Variants in LINGO2 observed in about 807,000 individuals in gnomAD.
LINGO2 encodes leucine rich repeat and Ig domain containing 2.
LINGO2 carries 14 observed loss-of-function variants against 30.6 expected under a neutral mutation model. The ratio of observed to expected loss-of-function variants is 0.46; its 90% confidence interval spans 0.30 to 0.72. The LOEUF (loss-of-function observed/expected upper bound fraction) is 0.72, where lower values mean the gene tolerates loss of function less well. Among genes scored for constraint, LINGO2 ranks in the 30% least tolerant of loss-of-function variants. LINGO2 has a pLI of 0.07. For synonymous variants in LINGO2, 317 were observed against 288.5 expected (o/e 1.10, Z -1.00); for missense variants, 729 against 751.7 (o/e 0.97, Z 0.35).
the LINGO2 span, among the ~76,000 whole-genome samples, chr9:28,789,029 A>G: frequency 6.8e-4 from 103 of 152,336 alleles, no homozygotes; most frequent in African/African-American, 2.5e-3. Flanking sequence ...CCAGATAATA[A>G]AATAAAAATA....
At chr9:29,168,766 C>G in the LINGO2 span, among the ~76,000 whole-genome samples, 1 of 152,150 alleles carries the variant, frequency 6.6e-6, no homozygotes, top group African/African-American at 2.4e-5. Flanking sequence ...CAGATACTTC[C>G]TTACTGATGA....
At chr9:28,458,315 T>A (rs1036275284) in intron 2 of LINGO2, among the ~76,000 whole-genome samples, 1 of 152,326 alleles carries the variant, frequency 6.6e-6, no homozygotes, top group South Asian at 2.1e-4. Context: ...CCTATATTTT[T>A]ATACGTCCCA....
chr9:28,430,932 A>G (rs1164107979), intron 2 of LINGO2, among the ~76,000 whole-genome samples: 1 of 151,660 alleles, frequency 6.6e-6, no homozygotes, highest in East Asian at 2.0e-4. Flanking sequence ...AGTTCCTTGT[A>G]GGTGATTAAA....
At chr9:28,302,742 T>A (rs1383703209) in intron 3 of LINGO2, among the ~76,000 whole-genome samples, 1 of 152,148 alleles carries the variant, frequency 6.6e-6, no homozygotes, top group Non-Finnish European at 1.5e-5. Flanking sequence ...CACAATATTC[T>A]AAAGAAGAGA....
At chr9:28,543,923 G>A (rs987431890) in intron 1 of LINGO2, among the ~76,000 whole-genome samples, 5 of 151,924 alleles carry the variant, frequency 3.3e-5, no homozygotes, top group African/African-American at 1.2e-4. Context: ...AAGTATTTTA[G>A]GCTGGACACA....
At chr9:28,436,745 C>A (rs1051818219) in intron 2 of LINGO2, among the ~76,000 whole-genome samples, 20 of 152,148 alleles carry the variant, frequency 1.3e-4, no homozygotes, top group African/African-American at 4.6e-4. Context: ...GCATAAGCCA[C>A]CGCGCCCGGC....
rs564628616 is a variant in LINGO2, at chr9:28,407,219, T to TA, written c.-278-34352dup. Among the ~76,000 whole-genome samples, 21 of 136,962 alleles carry TA rather than the reference T, an allele frequency of 1.5e-4. 1 individual carries two copies. Among genetic ancestry groups the TA allele is most frequent in the Admixed American group, 1.5e-3 (20 of 13,774 alleles). 89.9% of individuals were successfully genotyped at this position (136,962 alleles called of 152,430 possible). A position where few individuals can be genotyped will look rare whatever the true frequency, so the allele number is the denominator to read the frequency against. ...AAGAAAGAAAATAATTTAAAAACAA[T>TA]AAAAAAAGGAGGGAGGGGCAGGTTA... On this transcript the variant is annotated intron_variant, in intron 2 of 5. Transcript: ENST00000379992.
chr9:27,982,874 A>G (rs1419779512), intron 5 of LINGO2, among the ~76,000 whole-genome samples: 1 of 151,784 alleles, frequency 6.6e-6, no homozygotes, highest in Non-Finnish European at 1.5e-5. Context: ...GGAGTTAATG[A>G]GAAAAATGTA....
the LINGO2 span, among the ~76,000 whole-genome samples, chr9:28,934,374 T>C: frequency 1.1e-4 from 16 of 152,142 alleles, no homozygotes; most frequent in African/African-American, 3.4e-4. Context: ...CTAATGTGAG[T>C]GAGCTAGGAG....
chr9:29,172,521 A>G, the LINGO2 span, among the ~76,000 whole-genome samples: 1 of 152,012 alleles, frequency 6.6e-6, no homozygotes, highest in African/African-American at 2.4e-5. Flanking sequence ...TCATGAAATG[A>G]TTAGGTTTTA....
intron 4 of LINGO2, among the ~76,000 whole-genome samples, chr9:28,095,283 G>A (rs570860841): frequency 2.6e-5 from 4 of 152,018 alleles, no homozygotes; most frequent in Non-Finnish European, 5.9e-5. Flanking sequence ...GGGACAGTTC[G>A]CCGTATCCCA....
rs116870948 is a variant in LINGO2 at position 28,216,970 on chromosome 9, T to C, written c.-87+78238A>G. 1.2e-3 allele frequency among the ~76,000 whole-genome samples: 176 copies of C among 151,856 alleles called. 2 individuals carry two copies. The South Asian group carries it at 0.017, about 15-fold the overall frequency. ...CCAACATCCTTCACATTATATAAACTAAACAGAAAATGGCATAAAAAACTG... is the reference window on the plus strand; with the variant it reads ...CCAACATCCTTCACATTATATAAACCAAACAGAAAATGGCATAAAAAACTG... On this transcript the variant is annotated intron_variant, in intron 4 of 5. Transcript: ENST00000379992.
chr9:28,038,856 A>G (rs1381466559), intron 4 of LINGO2, among the ~76,000 whole-genome samples: 2 of 152,202 alleles, frequency 1.3e-5, no homozygotes, highest in African/African-American at 4.8e-5. Flanking sequence ...CCACAGCAAT[A>G]TTTTTAAAAT....
chr9:29,045,842 T>C, the LINGO2 span, among the ~76,000 whole-genome samples: 1 of 152,176 alleles, frequency 6.6e-6, no homozygotes, highest in Non-Finnish European at 1.5e-5. Context: ...TAATTCTCAC[T>C]GTAGAAATCT....
chr9:28,748,388 T>C, the LINGO2 span, among the ~76,000 whole-genome samples: 5 of 7,228 alleles, frequency 6.9e-4, no homozygotes, highest in African/African-American at 1.1e-3. Flanking sequence ...TTCTGCAAAA[T>C]AGAAATTTCT....
chr9:28,122,058 T>G (rs1217790104), intron 4 of LINGO2, among the ~76,000 whole-genome samples: 1 of 152,126 alleles, frequency 6.6e-6, no homozygotes, highest in African/African-American at 2.4e-5. Flanking sequence ...GGAGAGGACT[T>G]AATTCCTGGT....
At chr9:27,964,739 A>G (rs1345544066) in intron 5 of LINGO2, among the ~76,000 whole-genome samples, 2 of 152,014 alleles carry the variant, frequency 1.3e-5, no homozygotes, top group Non-Finnish European at 2.9e-5. Context: ...TTGTGTAGCA[A>G]TTTCTGGGGG....
At chr9:28,339,330 CA>C (rs968958389) in intron 3 of LINGO2, among the ~76,000 whole-genome samples, 3 of 151,970 alleles carry the variant, frequency 2.0e-5, no homozygotes, top group African/African-American at 7.2e-5. Flanking sequence ...TTTTAATTTC[CA>C]AAAAACTATT....
chr9:28,473,648 GACT>G (rs1364001008), intron 2 of LINGO2, among the ~76,000 whole-genome samples: 26 of 152,004 alleles, frequency 1.7e-4, no homozygotes, highest in Admixed American at 1.7e-3. Flanking sequence ...GCCCATGTAT[GACT>G]GCTTGATTTT....
Sources: allele counts gnomAD v4.1 joint callset (sites outside exome capture counted in the v4.1 genomes callset), GRCh38; gene constraint gnomAD v4.1.1; transcripts MANE v1.5; gene names NCBI Gene and HGNC (gene_info 2026-07-23, HGNC 2026-07-21).